The following SLC39A14 variants were observed in gnomAD, a reference collection of about 807,000 sequenced individuals.
SLC39A14 encodes metal cation symporter ZIP14.
A neutral mutation model predicts 45.5 loss-of-function variants in SLC39A14; 19 were observed. The ratio of observed to expected loss-of-function variants is 0.42; its 90% CI spans 0.29 to 0.61. SLC39A14 has a LOEUF of 0.61. SLC39A14 is among the 20% of genes least tolerant of loss of function. The probability of loss-of-function intolerance (pLI) is 0.22; values close to 1 mark genes in which losing one functional copy is unlikely to be tolerated. For missense variants in SLC39A14, 447 were observed against 616.5 expected (o/e 0.73, Z 2.91); for synonymous variants, 264 against 251.3 (o/e 1.05, Z -0.48).
chr8:22,432,484 C>T (rs1183579969), intron 8 of SLC39A14, among the ~76,000 whole-genome samples: 1 of 150,436 alleles, frequency 6.6e-6, no homozygotes, highest in Non-Finnish European at 1.5e-5. Flanking sequence ...CTTTTTCTCT[C>T]TTTCTTTCTT....
intron 2 of SLC39A14, 25 bp from the exon 3 acceptor site, chr8:22,408,285 G>C (rs1370023492): frequency 5.0e-6 from 8 of 1,605,532 alleles, no homozygotes; most frequent in Non-Finnish European, 6.8e-6. Context: ...GGTCTAAGCG[G>C]CTTCCTGCCC....
chr8:22,427,369 AC>A (rs1056470629), downstream of SLC39A14, among the ~76,000 whole-genome samples: 2 of 152,140 alleles, frequency 1.3e-5, no homozygotes, highest in Non-Finnish European at 2.9e-5. Flanking sequence ...TCAAAGAATG[AC>A]CCAAGCTAAT....
Position 22,421,335 on chromosome 8 carries a change from A to G in SLC39A14, c.*1637A>G. On this transcript the variant is annotated 3_prime_UTR_variant, in exon 9 of 9. Coordinates refer to ENST00000381237, the MANE Select transcript of SLC39A14 (RefSeq NM_001128431.4). ...TTGGGAGACATCTGTCAAACCAGGAATATTCTTGAAAAGAACGTGAGCAGG... is the reference window on the plus strand; with the variant it reads ...TTGGGAGACATCTGTCAAACCAGGAGTATTCTTGAAAAGAACGTGAGCAGG... 1 of 985,910 alleles carries G rather than the reference A, an allele frequency of 1.0e-6. No individual in the cohort carries two copies. Among genetic ancestry groups the G allele is most frequent in the Non-Finnish European group, 1.2e-6 (1 of 829,936 alleles). The allele number at this position is 985,910 out of a possible 1,614,324, so 61.1% of individuals were successfully genotyped here.
intron 8 of SLC39A14, 40 bp downstream of exon 8, chr8:22,417,875 G>C (rs758677376): frequency 1.3e-6 from 2 of 1,545,744 alleles, no homozygotes; most frequent in African/African-American, 2.8e-5. Context: ...GGGCGGCTAA[G>C]GGGATGGATG....
chr8:22,415,545 C>T (rs934296650), intron 5 of SLC39A14: 9 of 472,386 alleles, frequency 1.9e-5, no homozygotes, highest in Middle Eastern at 5.4e-4. Flanking sequence ...GTCCTCCCAC[C>T]TCGGCCTCCC....
Position 22,375,606 on chromosome 8 carries a change from G to A in SLC39A14, c.-16+8198G>A, listed in dbSNP as rs369946207. ...GTTCAAGCAATTCTCCTGCCTCAGC[G>A]CCCCCTAATAATAGCTGGGATTACA... On this transcript the variant is annotated intron_variant, in intron 1 of 8. Transcript: ENST00000381237. Among the ~76,000 whole-genome samples, 14 of 151,636 alleles carry A rather than the reference G, an allele frequency of 9.2e-5. No individual in the cohort carries two copies. In the South Asian group the frequency reaches 2.7e-3, roughly 29 times the overall value.
intron 8 of SLC39A14, among the ~76,000 whole-genome samples, 187 bp from the exon 9 acceptor site, chr8:22,419,365 G>T (rs1586752527): frequency 6.6e-6 from 1 of 152,086 alleles, no homozygotes; most frequent in East Asian, 1.9e-4. Context: ...TATGTTTTTA[G>T]TAGAGACAGG....
At chr8:22,401,543 CTTTT>C (rs71544899) in intron 1 of SLC39A14, among the ~76,000 whole-genome samples, 16 of 84,050 alleles carry the variant, frequency 1.9e-4, no homozygotes, top group African/African-American at 9.3e-4. Context: ...TCTTCTCTTT[CTTTT>C]TTTTTTTTTT....
chr8:22,420,220 T>A lies in SLC39A14; in HGVS notation c.*522T>A, dbSNP rs1006769597. 9.1e-6 allele frequency: 9 copies of A among 985,706 alleles called. No homozygotes were observed. In the African/African-American group the frequency reaches 1.6e-4, roughly 17 times the overall value. The allele number at this position is 985,706 out of a possible 1,614,324, so 61.1% of individuals were successfully genotyped here. The stretch of plus-strand genomic sequence containing the variant: ...CAAAGTCTGTTTAATTGCCTATTAC[T>A]TCTCTCAAAGAGAACCTGAAGTCAG... On this transcript the variant is annotated 3_prime_UTR_variant, in exon 9 of 9. Coordinates refer to ENST00000381237, the MANE Select transcript of SLC39A14 (RefSeq NM_001128431.4).
chr8:22,406,979 G>A (rs1267604629), intron 2 of SLC39A14, among the ~76,000 whole-genome samples: 5 of 152,184 alleles, frequency 3.3e-5, no homozygotes, highest in African/African-American at 1.2e-4. Flanking sequence ...GCATGTAGGT[G>A]TAGACAGTAT....
chr8:22,417,993 C>A (rs1835991248), intron 8 of SLC39A14, among the ~76,000 whole-genome samples, 158 bp downstream of exon 8: 1 of 152,034 alleles, frequency 6.6e-6, no homozygotes, highest in Admixed American at 6.6e-5. Flanking sequence ...ACCTCCGCGT[C>A]CCGGGTTCAA....
intron 2 of SLC39A14, among the ~76,000 whole-genome samples, chr8:22,406,638 G>T (rs7837521): frequency 0.56 from 85,524 of 152,040 alleles, 24,989 homozygotes; most frequent in African/African-American, 0.73. Context: ...GTCGCAGTGA[G>T]CGGAGATTAT....
chr8:22,381,997 C>T (rs1833539660), intron 1 of SLC39A14, among the ~76,000 whole-genome samples: 1 of 151,942 alleles, frequency 6.6e-6, no homozygotes, highest in African/African-American at 2.4e-5. Flanking sequence ...AAAAATTAGC[C>T]AGGTGTGGTG....
At chr8:22,413,516 C>T (rs1010159080) in intron 4 of SLC39A14, among the ~76,000 whole-genome samples, 1 of 152,102 alleles carries the variant, frequency 6.6e-6, no homozygotes, top group Non-Finnish European at 1.5e-5. Flanking sequence ...ATTCGACTCC[C>T]CTGGAAAGTC....
chr8:22,431,893 A>G (rs1471132998), intron 8 of SLC39A14, among the ~76,000 whole-genome samples: 1 of 152,230 alleles, frequency 6.6e-6, no homozygotes, highest in East Asian at 1.9e-4. Context: ...ATGGAAAACA[A>G]TTGTTTGGGA....
chr8:22,422,190 TTCCA>T lies in SLC39A14; in HGVS notation c.*2493_*2496del, dbSNP rs1354238554. On this transcript the variant is annotated 3_prime_UTR_variant, in exon 9 of 9. Coordinates refer to ENST00000381237, the MANE Select transcript of SLC39A14 (RefSeq NM_001128431.4). ...TGGCATTAGCAGCTTCGACCTCATT[TTCCA>T]GATGCACCAGCTCCTATTAATAAGT... is the stretch of plus-strand genomic sequence containing the variant. 98 of 985,368 alleles carry T rather than the reference TTCCA, an allele frequency of 9.9e-5. No homozygotes were observed. The highest frequency in any genetic ancestry group is 1.2e-4 in the Non-Finnish European group (98 of 829,966). 61.0% of individuals were successfully genotyped at this position (985,368 alleles called of 1,614,324 possible).
At position 22,416,056 on chromosome 8, in the gene SLC39A14, G is replaced by A. The variant is rs762131025; in HGVS notation, c.940-17G>A. On this transcript the variant is annotated splice_polypyrimidine_tract_variant and intron_variant, in intron 6 of 8. Transcript: ENST00000381237. ...AGCCTTTGACGCTGTGGGCCCTGGG[G>A]GTGTGCTTTCTCCTAGGACCTGCAG... 6.2e-7 allele frequency: 1 copy of A among 1,613,386 alleles called. No homozygotes were observed. The highest frequency in any genetic ancestry group is 1.3e-5 in the African/African-American group (1 of 74,872).
At chr8:22,383,790 G>T (rs574453037) in intron 1 of SLC39A14, among the ~76,000 whole-genome samples, 1 of 152,164 alleles carries the variant, frequency 6.6e-6, no homozygotes, top group Admixed American at 6.5e-5. Context: ...TCCAATTGGC[G>T]TATCTGTATT....
At chr8:22,397,979 C>G (rs1016876227) in intron 1 of SLC39A14, among the ~76,000 whole-genome samples, 2 of 152,132 alleles carry the variant, frequency 1.3e-5, no homozygotes, top group African/African-American at 4.8e-5. Context: ...ATGGGTCCCT[C>G]GGAGACCCCT....
Sources: allele counts gnomAD v4.1 joint callset (sites outside exome capture counted in the v4.1 genomes callset), GRCh38; gene constraint gnomAD v4.1.1; transcripts MANE v1.5; gene names NCBI Gene and HGNC (gene_info 2026-07-23, HGNC 2026-07-21).